Variants in GLIS3 observed in about 807,000 individuals in gnomAD.
GLIS3 encodes the protein zinc finger protein GLIS3.
In GLIS3, 53 loss-of-function variants were observed where a neutral mutation model predicts 78.6. The ratio of observed to expected loss-of-function variants is 0.67; its 90% CI spans 0.54 to 0.85. The LOEUF is 0.85. Among genes scored for constraint, GLIS3 ranks in the 40% least tolerant of loss-of-function variants. GLIS3 has a pLI of 0.00. For missense variants in GLIS3, 1,703 were observed against 1,231.1 expected (o/e 1.38, Z -5.74); for synonymous variants, 684 against 509.9 (o/e 1.34, Z -4.60).
chr9:4,345,107 T>C (rs1193019590), intron 2 of GLIS3, among the ~76,000 whole-genome samples: 2 of 152,182 alleles, frequency 1.3e-5, no homozygotes, highest in Non-Finnish European at 2.9e-5. Context: ...TCTCCGCAAG[T>C]TTCCCCCTCA....
At chr9:4,259,122 T>A (rs1405242814) in intron 2 of GLIS3, among the ~76,000 whole-genome samples, 1 of 152,170 alleles carries the variant, frequency 6.6e-6, no homozygotes, top group Non-Finnish European at 1.5e-5. Flanking sequence ...TTGGATCTTA[T>A]CTCTTTGTTG....
intron 7 of GLIS3, among the ~76,000 whole-genome samples, chr9:3,885,957 A>AT (rs1822045919): frequency 6.6e-6 from 1 of 152,218 alleles, no homozygotes; most frequent in African/African-American, 2.4e-5. Flanking sequence ...TTCATCTTAA[A>AT]TAAGGATAAT....
Position 4,189,912 on chromosome 9 carries a change from C to G in GLIS3, c.389-63971G>C, listed in dbSNP as rs1051021403. On this transcript the variant is annotated intron_variant, in intron 2 of 10. Transcript: ENST00000381971. ...TGTCTGCACGTGTGCTGCTGATACC[C>G]AGGCAAACAGCGTCTGGAGTGGACC... Among the ~76,000 whole-genome samples, 12 of 152,076 alleles carry G rather than the reference C, an allele frequency of 7.9e-5. No individual in the cohort carries two copies. In the East Asian group the frequency reaches 9.7e-4, roughly 12 times the overall value.
chr9:3,848,230 G>T (rs1266442966), intron 9 of GLIS3, among the ~76,000 whole-genome samples: 1 of 152,212 alleles, frequency 6.6e-6, no homozygotes, highest in Non-Finnish European at 1.5e-5. Flanking sequence ...GCCGGGCATG[G>T]TGGCTCATGC....
At chr9:4,148,828 G>A (rs1834438875) in intron 2 of GLIS3, among the ~76,000 whole-genome samples, 1 of 152,188 alleles carries the variant, frequency 6.6e-6, no homozygotes, top group Non-Finnish European at 1.5e-5. Context: ...CTGGAGTGGG[G>A]GTAACGTGGC....
At chr9:3,855,063 A>G (rs1336925653) in intron 9 of GLIS3, among the ~76,000 whole-genome samples, 1 of 152,208 alleles carries the variant, frequency 6.6e-6, no homozygotes, top group Non-Finnish European at 1.5e-5. Flanking sequence ...TCAGCCTAAA[A>G]GGACAGTATC....
chr9:4,211,813 C>T (rs1470135539), intron 2 of GLIS3, among the ~76,000 whole-genome samples: 1 of 152,162 alleles, frequency 6.6e-6, no homozygotes, highest in African/African-American at 2.4e-5. Flanking sequence ...GTAATATACT[C>T]ATTCAATAGA....
Position 4,298,344 on chromosome 9 carries a change from G to C in GLIS3, c.-99+1077C>G, listed in dbSNP as rs902847928. 5 of 455,282 alleles carry C rather than the reference G, an allele frequency of 1.1e-5. No homozygotes were observed. In the Admixed American group the frequency reaches 1.2e-4, roughly 11 times the overall value. 28.2% of individuals were successfully genotyped at this position (455,282 alleles called of 1,614,324 possible). A position where few individuals can be genotyped will look rare whatever the true frequency, so the allele number is the denominator to read the frequency against. On this transcript the variant is annotated intron_variant, in intron 1 of 10. Transcript: ENST00000381971. ...CAGCAAGTCGGAGGGCGCGAACGCGGAGCCAGAAACCCTTCCCCAAAGTTT... is the reference window on the plus strand; with the variant it reads ...CAGCAAGTCGGAGGGCGCGAACGCGCAGCCAGAAACCCTTCCCCAAAGTTT...
intron 7 of GLIS3, among the ~76,000 whole-genome samples, chr9:3,889,210 C>A (rs1250437598): frequency 6.6e-6 from 1 of 152,320 alleles, no homozygotes; most frequent in African/African-American, 2.4e-5. Flanking sequence ...GAGGCAGTTT[C>A]TTCCTAAGTG....
At chr9:4,436,696 C>T in the GLIS3 span, among the ~76,000 whole-genome samples, 2 of 150,986 alleles carry the variant, frequency 1.3e-5, no homozygotes, top group Admixed American at 1.3e-4. Context: ...ATCCCAACTA[C>T]TCTGGAGGCT....
the GLIS3 span, among the ~76,000 whole-genome samples, chr9:4,420,108 C>T: frequency 5.3e-5 from 8 of 152,086 alleles, no homozygotes; most frequent in Non-Finnish European, 1.0e-4. Context: ...GGAGAGGGGT[C>T]CAGGCATGTG....
chr9:4,331,579 G>T (rs1413980372), intron 2 of GLIS3, among the ~76,000 whole-genome samples: 1 of 152,168 alleles, frequency 6.6e-6, no homozygotes, highest in Non-Finnish European at 1.5e-5. Flanking sequence ...AAATAATGAA[G>T]CTGCAGGGAA....
At chr9:4,462,371 A>AGAC in the GLIS3 span, among the ~76,000 whole-genome samples, 4 of 152,196 alleles carry the variant, frequency 2.6e-5, no homozygotes, top group African/African-American at 9.7e-5. Flanking sequence ...ATGAGGTAAG[A>AGAC]GACCAGTGGG....
the GLIS3 span, among the ~76,000 whole-genome samples, chr9:4,455,881 G>A: frequency 6.6e-6 from 1 of 152,074 alleles, no homozygotes; most frequent in East Asian, 1.9e-4. Context: ...GGAAGACCAA[G>A]GCATGTGAAT....
intron 2 of GLIS3, among the ~76,000 whole-genome samples, chr9:4,207,358 G>C (rs972925339): frequency 1.5e-4 from 23 of 152,306 alleles, no homozygotes; most frequent in Middle Eastern, 3.4e-3. Flanking sequence ...TTTCCATTCA[G>C]CCCAAGGCAA....
rs189981252 is a variant in GLIS3 at position 4,032,337 on chromosome 9, G to A, written c.1710+85431C>T. Among the ~76,000 whole-genome samples, 29 of 152,184 alleles carry A rather than the reference G, an allele frequency of 1.9e-4. No homozygotes were observed. The East Asian group carries it at 5.0e-3, about 26-fold the overall frequency. Reference sequence around the variant, plus strand: ...AATCTGCATTCCAGCTAGGAACTTTGGTCCTTAGCAGCGTAATCACCAAGA... The same window carrying A: ...AATCTGCATTCCAGCTAGGAACTTTAGTCCTTAGCAGCGTAATCACCAAGA... On this transcript the variant is annotated intron_variant, in intron 4 of 10. Transcript: ENST00000381971.
the GLIS3 span, among the ~76,000 whole-genome samples, chr9:4,400,823 G>T: frequency 1.3e-5 from 2 of 152,160 alleles, no homozygotes; most frequent in African/African-American, 4.8e-5. Flanking sequence ...GGCCAAAAGG[G>T]TATCTACTGC....
the GLIS3 span, among the ~76,000 whole-genome samples, chr9:4,472,895 C>G: frequency 6.6e-6 from 1 of 152,068 alleles, no homozygotes; most frequent in Non-Finnish European, 1.5e-5. Flanking sequence ...TAAAAATCAA[C>G]TATATTTCTA....
At chr9:4,351,019 A>G (rs1255173427), upstream of GLIS3, among the ~76,000 whole-genome samples, 1 of 152,034 alleles carries the variant, frequency 6.6e-6, no homozygotes, top group Non-Finnish European at 1.5e-5. Context: ...TGTCCTATCT[A>G]TATACAAGGC....
Sources: allele counts gnomAD v4.1 joint callset (sites outside exome capture counted in the v4.1 genomes callset), GRCh38; gene constraint gnomAD v4.1.1; transcripts MANE v1.5; gene names NCBI Gene and HGNC (gene_info 2026-07-23, HGNC 2026-07-21).